ELAC1: variants seen among roughly 807,000 people sequenced by gnomAD.
ELAC1 encodes the protein elaC ribonuclease Z 1, also known as zinc phosphodiesterase ELAC protein 1.
Under a neutral mutation model 25.8 loss-of-function variants are expected in ELAC1, and 19 were observed. The ratio of observed to expected loss-of-function variants is 0.74; its 90% CI spans 0.51 to 1.08. The LOEUF is 1.08. ELAC1 is among the 50% of genes least tolerant of loss of function. ELAC1 has a pLI of 0.00. For missense variants in ELAC1, 403 were observed against 434.6 expected (o/e 0.93, Z 0.65); for synonymous variants, 148 against 160.9 (o/e 0.92, Z 0.61).
Position 50,987,056 on chromosome 18 carries a change from A to G in ELAC1, c.1063A>G (p.Met355Val), listed in dbSNP as rs34524743. ...AGAAGTGACTCTAGCAGAAGATTTTATGGTGATAAGCATTCCAATCAAGAA... is the reference window on the plus strand; with the variant it reads ...AGAAGTGACTCTAGCAGAAGATTTTGTGGTGATAAGCATTCCAATCAAGAA... ...LQEVTLAEDF[M>V]VISIPIKK Residue 355 changes from methionine (M) to valine (V), a missense_variant, in exon 4 of 4, where the codon ATG becomes GTG. By Grantham distance (21) the Met-to-Val change is conservative. Coordinates refer to ENST00000269466, the MANE Select transcript of ELAC1 (RefSeq NM_018696.3). 1,288 of 1,571,834 alleles carry G rather than the reference A, an allele frequency of 8.2e-4. 15 individuals are homozygous for G. In the African/African-American group the frequency reaches 0.014, roughly 17 times the overall value.
At chr18:50,976,664 C>A (rs1907803302) in intron 2 of ELAC1, among the ~76,000 whole-genome samples, 1 of 152,156 alleles carries the variant, frequency 6.6e-6, no homozygotes, top group South Asian at 2.1e-4. Flanking sequence ...CCACCCCTGA[C>A]TCCTCCAGAA....
In ELAC1 at chr18:50,968,047, C is replaced by G. The variant is rs1038187318; in HGVS notation, c.-76C>G. On this transcript the variant is annotated 5_prime_UTR_variant, in exon 1 of 4. Transcript: ENST00000269466. ...CTTCCGCCCGGGCGCATTGTAGCCC[C>G]GCGGACAGCTGGGCCAGGGTGCGGG... The G allele has an allele frequency of 6.6e-6, 1 of 151,970 alleles. No individual in the cohort carries two copies. Among genetic ancestry groups the G allele is most frequent in the Non-Finnish European group, 1.5e-5 (1 of 67,986 alleles). The allele number at this position is 151,970 out of a possible 1,614,324, so 9.4% of individuals were successfully genotyped here.
chr18:50,982,479 T>C (rs1023511068), intron 2 of ELAC1, among the ~76,000 whole-genome samples: 15 of 152,208 alleles, frequency 9.9e-5, no homozygotes, highest in African/African-American at 3.4e-4. Flanking sequence ...TGTACTTTTA[T>C]AGCATCAAAC....
intron 2 of ELAC1, among the ~76,000 whole-genome samples, chr18:50,979,994 G>A (rs1473088085): frequency 6.6e-6 from 1 of 152,122 alleles, no homozygotes; most frequent in Non-Finnish European, 1.5e-5. Flanking sequence ...TCCTCCCAAA[G>A]TGCTAGGATT....
rs1908136256 is a variant in ELAC1 at position 50,987,179 on chromosome 18, T to C, written c.*94T>C. The C allele has an allele frequency of 2.1e-6, 2 of 961,772 alleles. No individual in the cohort carries two copies. Among genetic ancestry groups the C allele is most frequent in the Non-Finnish European group, 1.4e-6 (1 of 692,686 alleles). 59.6% of individuals were successfully genotyped at this position (961,772 alleles called of 1,614,324 possible). The stretch of plus-strand genomic sequence containing the variant: ...TATTTCTTGTTTTAGTCTGAAATTA[T>C]TTGGGCCCTAATAATCCTAAAAAGA... On this transcript the variant is annotated 3_prime_UTR_variant, in exon 4 of 4. Coordinates refer to ENST00000269466, the MANE Select transcript of ELAC1 (RefSeq NM_018696.3).
intron 2 of ELAC1, among the ~76,000 whole-genome samples, chr18:50,982,038 G>T (rs1324434287): frequency 6.6e-6 from 1 of 152,042 alleles, no homozygotes; most frequent in South Asian, 2.1e-4. Flanking sequence ...TAGAGACAGG[G>T]TTTCTCCAAG....
intron 1 of ELAC1, among the ~76,000 whole-genome samples, chr18:50,972,560 T>C (rs911491441): frequency 6.6e-6 from 1 of 152,136 alleles, no homozygotes; most frequent in Non-Finnish European, 1.5e-5. Flanking sequence ...TGGCTCACTA[T>C]GACTGCCGCC....
intron 1 of ELAC1, 40 bp from the exon 2 acceptor site, chr18:50,974,357 A>G: frequency 1.3e-6 from 2 of 1,486,506 alleles, no homozygotes; most frequent in Non-Finnish European, 1.8e-6. Context: ...TTTTTGGTAC[A>G]GTGATATGAA....
At chr18:50,977,650 T>C (rs1310110659) in intron 2 of ELAC1, among the ~76,000 whole-genome samples, 1 of 152,236 alleles carries the variant, frequency 6.6e-6, no homozygotes, top group Non-Finnish European at 1.5e-5. Context: ...CCCATTGTCT[T>C]GGTGATTAAC....
chr18:50,984,722 G>A lies in ELAC1; in HGVS notation c.625+159G>A, dbSNP rs545575380. 22 of 622,592 alleles carry A rather than the reference G, an allele frequency of 3.5e-5. No homozygotes were observed. The East Asian group carries it at 4.9e-4, about 14-fold the overall frequency. The allele number at this position is 622,592 out of a possible 1,614,324, so 38.6% of individuals were successfully genotyped here. A position where few individuals can be genotyped will look rare whatever the true frequency, so the allele number is the denominator to read the frequency against. ...CGAGGTGGGAGGATCACTTGAGTTC[G>A]GGAGTTCAAGACCAGCCTGGGCAAC... On this transcript the variant is annotated intron_variant, in intron 3 of 3. Transcript: ENST00000269466.
intron 1 of ELAC1, among the ~76,000 whole-genome samples, chr18:50,970,848 A>G (rs549934701): frequency 6.6e-6 from 1 of 152,020 alleles, no homozygotes; most frequent in South Asian, 2.1e-4. Context: ...GATAACCCAT[A>G]TTAACAGGAT....
intron 3 of ELAC1, 46 bp from the exon 4 acceptor site, chr18:50,986,573 A>T (rs761531934): frequency 6.9e-7 from 1 of 1,453,158 alleles, no homozygotes; most frequent in Non-Finnish European, 9.4e-7. Flanking sequence ...TTGAAAAGTC[A>T]TAAATTCCAT....
Position 50,984,082 on chromosome 18 carries a change from A to G in ELAC1, c.158-14A>G, listed in dbSNP as rs756480820. ...GAAAAATTTCCAAACGTATTTCTCT[A>G]TCTCAATCAAAAGGGAGAATTACCA... On this transcript the variant is annotated splice_polypyrimidine_tract_variant and intron_variant, in intron 2 of 3. Transcript: ENST00000269466. The G allele has an allele frequency of 1.3e-6, 2 of 1,546,852 alleles. No individual in the cohort carries two copies. The highest frequency in any genetic ancestry group is 2.5e-5 in the South Asian group (2 of 81,264).
At chr18:50,983,570 C>T (rs1908017347) in intron 2 of ELAC1, among the ~76,000 whole-genome samples, 2 of 151,524 alleles carry the variant, frequency 1.3e-5, no homozygotes, top group Non-Finnish European at 2.9e-5. Flanking sequence ...TTATTGAAAC[C>T]ATCTAGTGGG....
intron 1 of ELAC1, among the ~76,000 whole-genome samples, chr18:50,970,539 G>A (rs1907623305): frequency 6.6e-6 from 1 of 152,038 alleles, no homozygotes; most frequent in South Asian, 2.1e-4. Flanking sequence ...AGGGATGTTA[G>A]CAATAACCTC....
intron 1 of ELAC1, among the ~76,000 whole-genome samples, chr18:50,971,906 GTGTGTGTATA>G (rs1483107728): frequency 5.6e-4 from 61 of 108,448 alleles, no homozygotes; most frequent in African/African-American, 1.7e-3. Flanking sequence ...ATGTGTGTGT[GTGTGTGTATA>G]TATATATATA....
rs1404639572 is a variant in ELAC1 at position 50,974,452 on chromosome 18, T to C, written c.48T>C (p.Ser16=). ...TFLGTGAAYP[S]PTRGASAVVL... is the part of the protein sequence containing the mutation. ...TGGGGACGGGTGCAGCATACCCATC[T>C]CCAACCCGGGGTGCCTCTGCTGTGG... Residue 16 remains serine, a synonymous_variant, in exon 2 of 4, where the codon TCT becomes TCC. Transcript: ENST00000269466. 6.3e-7 allele frequency: 1 copy of C among 1,592,814 alleles called. No homozygotes were observed. Among genetic ancestry groups the C allele is most frequent in the African/African-American group, 1.4e-5 (1 of 74,024 alleles).
chr18:50,985,396 A>T (rs1908079706), intron 3 of ELAC1, among the ~76,000 whole-genome samples: 1 of 152,256 alleles, frequency 6.6e-6, no homozygotes. Flanking sequence ...TTTAGATATC[A>T]GGGTTCATCG....
intron 2 of ELAC1, among the ~76,000 whole-genome samples, chr18:50,980,631 C>T (rs991203936): frequency 4.0e-5 from 6 of 151,304 alleles, no homozygotes; most frequent in Admixed American, 6.6e-5. Flanking sequence ...GGCGTGGTGG[C>T]GGGTGCCTGT....
Sources: gnomAD v4.1 joint callset for allele counts (sites outside exome capture counted in the v4.1 genomes callset) on GRCh38, gnomAD v4.1.1 for gene constraint, MANE v1.5 for transcripts, NCBI Gene and HGNC (gene_info 2026-07-23, HGNC 2026-07-21) for gene names.